NLRP4: variants seen among roughly 807,000 people sequenced by gnomAD.
The protein encoded by NLRP4 is NACHT, LRR and PYD domains-containing protein 4.
A neutral mutation model predicts 84.7 loss-of-function variants in NLRP4; 44 were observed. That is an observed-to-expected ratio of 0.52 (90% confidence interval 0.41 to 0.67). The LOEUF is 0.67. NLRP4 is among the 30% of genes least tolerant of loss of function. NLRP4 has a pLI of 0.00. For missense variants in NLRP4, 1,260 were observed against 1,219.4 expected (o/e 1.03, Z -0.50); for synonymous variants, 544 against 476.4 (o/e 1.14, Z -1.85).
chr19:55,866,878 TTGGGAA>T (rs1236154034), intron 5 of NLRP4, among the ~76,000 whole-genome samples: 3 of 152,140 alleles, frequency 2.0e-5, no homozygotes, highest in Non-Finnish European at 4.4e-5. Context: ...ACATGGGGAC[TTGGGAA>T]TGGGTAGGAC....
At position 55,849,790 on chromosome 19, in the gene NLRP4, A is replaced by AAAGCTGCGGTGTAATTTCCG. The variant is rs1555807344; in HGVS notation, c.-65-2207_-65-2206insGAAGCTGCGGTGTAATTTCC. ...TTTCTGTAGCTGCGGTGTAATTTCC[A>AAAGCTGCGGTGTAATTTCCG]AAGCTGCGGTGTAATTTCCAAAGCT... On this transcript the variant is annotated intron_variant, in intron 1 of 9. Coordinates refer to ENST00000301295, the MANE Select transcript of NLRP4 (RefSeq NM_134444.5). Among the ~76,000 whole-genome samples the AAAGCTGCGGTGTAATTTCCG allele has an allele frequency of 3.1e-3, 416 of 133,402 alleles. 43 individuals carry two copies. Among genetic ancestry groups the AAAGCTGCGGTGTAATTTCCG allele is most frequent in the African/African-American group, 0.014 (391 of 28,072 alleles). The allele number at this position is 133,402 out of a possible 152,430, so 87.5% of individuals were successfully genotyped here.
rs55674001 is a variant in NLRP4 at position 55,868,652 on chromosome 19, G to A, written c.2354+776G>A. Among the ~76,000 whole-genome samples the A allele has an allele frequency of 6.7e-3, 1,026 of 152,022 alleles. 16 individuals are homozygous for A. The highest frequency in any genetic ancestry group is 0.024 in the African/African-American group (986 of 41,472). On this transcript the variant is annotated intron_variant, in intron 6 of 9. Coordinates refer to ENST00000301295, the MANE Select transcript of NLRP4 (RefSeq NM_134444.5). ...CAAGTAGCTGAGATTACAGGCATGCGCCACCATGCCTGGCTAATTTTGTAT... is the reference window on the plus strand; with the variant it reads ...CAAGTAGCTGAGATTACAGGCATGCACCACCATGCCTGGCTAATTTTGTAT...
chr19:55,863,722 A>G (rs1984850234), intron 5 of NLRP4, among the ~76,000 whole-genome samples: 1 of 152,168 alleles, frequency 6.6e-6, no homozygotes. Flanking sequence ...GAGAATGATG[A>G]ACCTGCTCTG....
intron 1 of NLRP4, among the ~76,000 whole-genome samples, chr19:55,839,536 C>A (rs73620701): frequency 0.012 from 1,755 of 148,476 alleles, 34 homozygotes; most frequent in African/African-American, 0.041. Context: ...TGAAAGTTGT[C>A]ATTTTCTAAG....
intron 1 of NLRP4, among the ~76,000 whole-genome samples, chr19:55,851,640 G>A (rs1282897467): frequency 5.9e-5 from 8 of 134,590 alleles, no homozygotes; most frequent in Non-Finnish European, 3.3e-5. Context: ...CCGAGGCTGC[G>A]GTGTAATGTC....
At chr19:55,876,582 G>C (rs111615556) in intron 7 of NLRP4, among the ~76,000 whole-genome samples, 29,435 of 151,880 alleles carry the variant, frequency 0.19, 3,138 homozygotes, top group East Asian at 0.26. Context: ...AGGCTGGTCT[G>C]GAACTTCTGA....
chr19:55,871,846 C>CTTT lies in NLRP4; in HGVS notation c.2525+863_2525+865dup, dbSNP rs376627745. On this transcript the variant is annotated intron_variant, in intron 7 of 9. Transcript: ENST00000301295. The stretch of plus-strand genomic sequence containing the variant: ...CATCTAGAAGCTAAACAGAAATAAT[C>CTTT]TTTTTTTTTTTTTTTTGGAGACAGA... Among the ~76,000 whole-genome samples the CTTT allele has an allele frequency of 2.0e-3, 280 of 142,148 alleles. 8 individuals carry two copies. Among genetic ancestry groups the CTTT allele is most frequent in the East Asian group, 8.4e-3 (41 of 4,906 alleles). 93.3% of individuals were successfully genotyped at this position (142,148 alleles called of 152,430 possible).
chr19:55,867,059 T>A (rs1984982560), intron 5 of NLRP4, among the ~76,000 whole-genome samples: 1 of 151,296 alleles, frequency 6.6e-6, no homozygotes, highest in African/African-American at 2.4e-5. Context: ...ACTGAGACGG[T>A]GCATCTCAGG....
chr19:55,877,898 G>A (rs1985432386), intron 8 of NLRP4, among the ~76,000 whole-genome samples: 1 of 152,036 alleles, frequency 6.6e-6, no homozygotes, highest in African/African-American at 2.4e-5. Flanking sequence ...GGGGTACTGG[G>A]GTTTAGGACT....
rs779594685 is a variant in NLRP4, at chr19:55,867,840, C to T, written c.2318C>T (p.Ala773Val). Residue 773 changes from alanine (A) to valine (V), a missense_variant, in exon 6 of 10, where the codon GCC (alanine) becomes GTC (valine). Physicochemically the swap from Ala to Val is moderately conservative, Grantham distance 64. Coordinates refer to ENST00000301295, the MANE Select transcript of NLRP4 (RefSeq NM_134444.5). ...LDTGVPLLCE[A>V]LCSPDTVLVY... ...ACAGGCGTGCCCCTTTTGTGTGAAG[C>T]CCTGTGCAGCCCAGACACGGTCCTG... 2 of 1,614,132 alleles carry T rather than the reference C, an allele frequency of 1.2e-6. No homozygotes were observed. Among genetic ancestry groups the T allele is most frequent in the Non-Finnish European group, 1.7e-6 (2 of 1,180,002 alleles).
intron 1 of NLRP4, among the ~76,000 whole-genome samples, chr19:55,844,808 C>T (rs1318750608): frequency 1.3e-5 from 2 of 152,100 alleles, no homozygotes; most frequent in East Asian, 3.9e-4. Flanking sequence ...TGCAGGGGGA[C>T]ATACATTGGA....
In NLRP4 at chr19:55,878,970, C is replaced by T; in HGVS notation, c.2867+6C>T. ...TGTGCCCTGCAGGTGCTCGGGTGAG[C>T]TGGGGTCTGTTGTGCTCTATGGGCA... On this transcript the variant is annotated splice_donor_region_variant and intron_variant, in intron 9 of 9. Coordinates refer to ENST00000301295, the MANE Select transcript of NLRP4 (RefSeq NM_134444.5). The T allele has an allele frequency of 6.2e-6, 10 of 1,610,778 alleles. No homozygotes were observed. Among genetic ancestry groups the T allele is most frequent in the Non-Finnish European group, 8.5e-6 (10 of 1,177,594 alleles).
At chr19:55,846,829 T>C (rs1050623209) in intron 1 of NLRP4, among the ~76,000 whole-genome samples, 1 of 152,184 alleles carries the variant, frequency 6.6e-6, no homozygotes, top group Non-Finnish European at 1.5e-5. Context: ...TTTAAGACTA[T>C]TGGCAAAAGC....
At position 55,871,996 on chromosome 19, in the gene NLRP4, C is replaced by T. The variant is rs548512412; in HGVS notation, c.2525+999C>T. ...CCAAGTAGCTGGGACTACAGGTGCC[C>T]GCCACCACGCCTGGCTAATTTTTTT... is the stretch of plus-strand genomic sequence containing the variant. On this transcript the variant is annotated intron_variant, in intron 7 of 9. Coordinates refer to ENST00000301295, the MANE Select transcript of NLRP4 (RefSeq NM_134444.5). Among the ~76,000 whole-genome samples, 12 of 151,994 alleles carry T rather than the reference C, an allele frequency of 7.9e-5. No homozygotes were observed. In the East Asian group the frequency reaches 1.2e-3, roughly 15 times the overall value.
intron 2 of NLRP4, among the ~76,000 whole-genome samples, chr19:55,853,951 C>CTTTCTCTCTCTT (rs1555808076): frequency 6.7e-6 from 1 of 150,164 alleles, no homozygotes; most frequent in African/African-American, 2.5e-5. Flanking sequence ...TTCTGTCTTT[C>CTTTCTCTCTCTT]TCTCTATTTC....
chr19:55,837,403 C>G (rs984508216), intron 1 of NLRP4, among the ~76,000 whole-genome samples: 1 of 152,084 alleles, frequency 6.6e-6, no homozygotes, highest in Admixed American at 6.6e-5. Context: ...TAAGTATATT[C>G]AACCTATAGT....
At position 55,862,145 on chromosome 19, in the gene NLRP4, C is replaced by A. The variant is rs372268440; in HGVS notation, c.2172C>A (p.Asn724Lys). The A allele has an allele frequency of 6.2e-7, 1 of 1,612,942 alleles. No homozygotes were observed. Among genetic ancestry groups the A allele is most frequent in the Non-Finnish European group, 8.5e-7 (1 of 1,179,236 alleles). ...ATGCCTTGAACTACCCAGCAGGCAA[C>A]GTCAAAGAGCTAGCGTAAGTCTCCG... ...LCDALNYPAG[N>K]VKELALVNCH... Residue 724 changes from asparagine to lysine, a missense_variant, in exon 5 of 10, where the codon AAC (asparagine) becomes AAA (lysine). Asn to Lys is a moderately conservative substitution (Grantham distance 94, BLOSUM62 0). Coordinates refer to ENST00000301295, the MANE Select transcript of NLRP4 (RefSeq NM_134444.5).
intron 8 of NLRP4, among the ~76,000 whole-genome samples, chr19:55,877,447 G>A (rs1462189118): frequency 6.6e-6 from 1 of 152,168 alleles, no homozygotes; most frequent in East Asian, 1.9e-4. Flanking sequence ...TATATGGTAT[G>A]GAGGTTGGCT....
chr19:55,868,013 C>A, intron 6 of NLRP4, 137 bp downstream of exon 6: 1 of 753,000 alleles, frequency 1.3e-6, no homozygotes, highest in Non-Finnish European at 2.2e-6. Context: ...TCAGAAAAGA[C>A]TTGAGTTCTA....
Sources: gnomAD v4.1 joint callset for allele counts (sites outside exome capture counted in the v4.1 genomes callset) on GRCh38, gnomAD v4.1.1 for gene constraint, MANE v1.5 for transcripts, NCBI Gene and HGNC (gene_info 2026-07-23, HGNC 2026-07-21) for gene names.